CREB3L2: variants seen among roughly 807,000 people sequenced by gnomAD.
The protein encoded by CREB3L2 is cyclic AMP-responsive element-binding protein 3-like protein 2.
In CREB3L2, 23 loss-of-function variants were observed where a neutral mutation model predicts 57.2. The ratio of observed to expected loss-of-function variants is 0.40; its 90% confidence interval spans 0.29 to 0.57. CREB3L2 has a LOEUF of 0.57. Ranked by LOEUF, CREB3L2 falls within the 20% of genes least tolerant of loss-of-function variation. The pLI is 0.42. For missense variants in CREB3L2, 628 were observed against 634.7 expected (o/e 0.99, Z 0.11); for synonymous variants, 268 against 265.1 (o/e 1.01, Z -0.11).
intron 10 of CREB3L2, 161 bp downstream of exon 10, chr7:137,884,834 G>C: frequency 1.1e-6 from 1 of 949,826 alleles, no homozygotes; most frequent in East Asian, 2.4e-5. Context: ...TGGATGAGGG[G>C]CCCCAGGGGA....
At chr7:137,913,157 C>G in intron 3 of CREB3L2, 79 bp from the exon 4 acceptor site, 1 of 1,415,352 alleles carries the variant, frequency 7.1e-7, no homozygotes, top group Non-Finnish European at 9.6e-7. Context: ...TATTTGTCAC[C>G]TGTGTCTTCC....
At chr7:137,915,327 TATA>T (rs780079567) in intron 3 of CREB3L2, among the ~76,000 whole-genome samples, 12 of 151,972 alleles carry the variant, frequency 7.9e-5, no homozygotes, top group South Asian at 2.1e-4. Context: ...TTACTATTAT[TATA>T]ATGTTATTAA....
At chr7:137,962,072 C>G (rs982602269) in intron 1 of CREB3L2, among the ~76,000 whole-genome samples, 2 of 152,180 alleles carry the variant, frequency 1.3e-5, no homozygotes, top group African/African-American at 4.8e-5. Flanking sequence ...AAGTCAGGAC[C>G]AATGTCAGGA....
chr7:137,951,216 G>A (rs899870147), intron 1 of CREB3L2, among the ~76,000 whole-genome samples: 2 of 152,120 alleles, frequency 1.3e-5, no homozygotes, highest in Non-Finnish European at 2.9e-5. Flanking sequence ...CACCTCCCAA[G>A]CACAGTGCTG....
At position 137,980,562 on chromosome 7, in the gene CREB3L2, T is replaced by C. The variant is rs1801696759; in HGVS notation, c.102+21042A>G. Among the ~76,000 whole-genome samples the C allele has an allele frequency of 6.6e-6, 1 of 152,222 alleles. No homozygotes were observed. Among genetic ancestry groups the C allele is most frequent in the South Asian group, 2.1e-4 (1 of 4,832 alleles). On this transcript the variant is annotated intron_variant, in intron 1 of 11. Transcript: ENST00000330387. This position sits in a 1 kb window ranked among gnomAD's most constrained non-coding sequence, Gnocchi z 4.3. ...AGAGAAAGGGGAAGAGAAGACTTGC[T>C]GGTGCCCAGGGCTTACCCCAAGCAT... is the stretch of plus-strand genomic sequence containing the variant.
At chr7:137,922,555 T>TA (rs1299556534) in intron 2 of CREB3L2, 2 of 413,884 alleles carry the variant, frequency 4.8e-6, no homozygotes, top group Admixed American at 5.0e-5. Context: ...CATTTATTCT[T>TA]AAAAAGGGAA....
At chr7:137,953,327 A>G (rs1291090050) in intron 1 of CREB3L2, 2 of 432,090 alleles carry the variant, frequency 4.6e-6, no homozygotes, top group East Asian at 1.4e-4. Context: ...ATTAACTGCT[A>G]CTCCACATAA....
intron 1 of CREB3L2, among the ~76,000 whole-genome samples, chr7:137,973,168 T>G (rs1047560966): frequency 1.0e-5 from 1 of 100,412 alleles, no homozygotes; most frequent in African/African-American, 5.4e-5. Flanking sequence ...TAAAGTGTAA[T>G]AATAATGAAA....
intron 1 of CREB3L2, among the ~76,000 whole-genome samples, chr7:137,985,341 G>GCTAGA (rs1460612704): frequency 6.6e-6 from 1 of 152,170 alleles, no homozygotes; most frequent in East Asian, 1.9e-4. Flanking sequence ...AACAGCCAAG[G>GCTAGA]CTAGACGCAG....
In CREB3L2 at chr7:137,913,088, G is replaced by T. The variant is rs752211713; in HGVS notation, c.496-10C>A. The T allele has an allele frequency of 2.5e-6, 4 of 1,610,258 alleles. No homozygotes were observed. In the Admixed American group the frequency reaches 5.1e-5, roughly 20 times the overall value. Reference sequence around the variant, plus strand: ...GGCACGAGGAATCAACCTGGAGGAAGAATTTCAAACACAATTTTTAAAAAC... The same window carrying T: ...GGCACGAGGAATCAACCTGGAGGAATAATTTCAAACACAATTTTTAAAAAC... On this transcript the variant is annotated splice_polypyrimidine_tract_variant and intron_variant, in intron 3 of 11. Coordinates refer to ENST00000330387, the MANE Select transcript of CREB3L2 (RefSeq NM_194071.4).
At chr7:137,943,060 G>A (rs1403455714) in intron 1 of CREB3L2, among the ~76,000 whole-genome samples, 1 of 152,120 alleles carries the variant, frequency 6.6e-6, no homozygotes, top group Non-Finnish European at 1.5e-5. Flanking sequence ...GAACCAAAAC[G>A]CTTGGGTTTT....
At chr7:137,971,154 TA>T (rs1239568501) in intron 1 of CREB3L2, among the ~76,000 whole-genome samples, 2 of 148,754 alleles carry the variant, frequency 1.3e-5, no homozygotes, top group African/African-American at 2.5e-5. Context: ...GAATTATGTT[TA>T]AAAAAAAAAC....
chr7:137,930,477 C>T (rs1800591970), intron 1 of CREB3L2, among the ~76,000 whole-genome samples: 1 of 152,194 alleles, frequency 6.6e-6, no homozygotes, highest in Non-Finnish European at 1.5e-5. Flanking sequence ...AAATGAACAC[C>T]AGAAGGGAAG....
In CREB3L2 at chr7:137,880,274, C is replaced by CTTCTGCA. The variant is rs1799265556; in HGVS notation, c.*195_*201dup. On this transcript the variant is annotated 3_prime_UTR_variant, in exon 12 of 12. Coordinates refer to ENST00000330387, the MANE Select transcript of CREB3L2 (RefSeq NM_194071.4). This position sits in a 1 kb window ranked among gnomAD's most constrained non-coding sequence, Gnocchi z 4.0. ...AAAGGAAGGGAGGGATGCAGGCTCC[C>CTTCTGCA]TTCTGCACAGGAGGGGCATGGACCA... 3.4e-6 allele frequency: 2 copies of CTTCTGCA among 592,810 alleles called. No homozygotes were observed. The highest frequency in any genetic ancestry group is 3.7e-5 in the African/African-American group (2 of 53,550). 36.7% of individuals were successfully genotyped at this position (592,810 alleles called of 1,614,324 possible). A position where few individuals can be genotyped will look rare whatever the true frequency, so the allele number is the denominator to read the frequency against.
chr7:137,885,442 G>A lies in CREB3L2; in HGVS notation c.1104C>T (p.Thr368=). The A allele has an allele frequency of 6.2e-7, 1 of 1,614,196 alleles. No homozygotes were observed. The highest frequency in any genetic ancestry group is 2.2e-5 in the East Asian group (1 of 44,876). ...QTLVMGKVSR[T]CKLAGTQTGT... ...CAGTCTGCGTGCCAGCTAACTTGCA[G>A]GTTCGAGAAACCTTGCCCATCACCA... Residue 368 remains threonine, a synonymous_variant, in exon 9 of 12, where the codon ACC becomes ACT. Coordinates refer to ENST00000330387, the MANE Select transcript of CREB3L2 (RefSeq NM_194071.4).
In CREB3L2 at chr7:137,980,905, T is replaced by C. The variant is rs181848451; in HGVS notation, c.102+20699A>G. 1.3e-5 allele frequency among the ~76,000 whole-genome samples: 2 copies of C among 152,320 alleles called. No homozygotes were observed. Among genetic ancestry groups the C allele is most frequent in the Non-Finnish European group, 2.9e-5 (2 of 68,032 alleles). ...CCCCCCTTTGTCGCCAGCTACTCCA[T>C]ACATTTAGAAAGTCAATTCTGCAAT... On this transcript the variant is annotated intron_variant, in intron 1 of 11. Transcript: ENST00000330387. This position sits in a 1 kb window ranked among gnomAD's most constrained non-coding sequence, Gnocchi z 4.3.
chr7:137,990,986 C>A (rs1801883539), intron 1 of CREB3L2, among the ~76,000 whole-genome samples: 1 of 152,028 alleles, frequency 6.6e-6, no homozygotes, highest in Admixed American at 6.6e-5. Context: ...ACCTCTGTGT[C>A]TCTGTTTTTC....
chr7:137,915,737 C>T, intron 3 of CREB3L2, 100 bp downstream of exon 3: 1 of 1,009,818 alleles, frequency 9.9e-7, no homozygotes. Context: ...TAAATGTACA[C>T]AGCCACTAAC....
chr7:137,889,608 T>C (rs756356302), intron 8 of CREB3L2, among the ~76,000 whole-genome samples: 1 of 152,218 alleles, frequency 6.6e-6, no homozygotes, highest in Non-Finnish European at 1.5e-5. Context: ...TTGCCATTGC[T>C]TCTCCTACTG....
Sources: allele counts gnomAD v4.1 joint callset (sites outside exome capture counted in the v4.1 genomes callset), GRCh38; gene constraint gnomAD v4.1.1; non-coding constraint Gnocchi (gnomAD v3.1); transcripts MANE v1.5; gene names NCBI Gene and HGNC (gene_info 2026-07-23, HGNC 2026-07-21).